SHISA6: variants seen among roughly 807,000 people sequenced by gnomAD.
SHISA6 encodes protein shisa-6.
Under a neutral mutation model 47.9 loss-of-function variants are expected in SHISA6, and 22 were observed. The observed-to-expected ratio is 0.46, with a 90% CI of 0.33 to 0.66. SHISA6 has a LOEUF of 0.66. SHISA6 is among the 30% of genes least tolerant of loss of function. The pLI, the probability that SHISA6 is intolerant of heterozygous loss-of-function variation, is 0.02. For missense variants in SHISA6, 680 were observed against 764.6 expected, an observed-to-expected ratio of 0.89 and a Z score of 1.30; for synonymous variants, 388 against 337.8, an observed-to-expected ratio of 1.15 and a Z score of -1.63.
chr17:11,485,895 C>A (rs531173991), intron 3 of SHISA6, among the ~76,000 whole-genome samples: 7 of 152,074 alleles, frequency 4.6e-5, no homozygotes, highest in Non-Finnish European at 8.8e-5. Context: ...TCCATCCCAG[C>A]GCTGTTGATT....
At chr17:11,458,252 G>A (rs1222357598) in intron 3 of SHISA6, among the ~76,000 whole-genome samples, 2 of 152,150 alleles carry the variant, frequency 1.3e-5, no homozygotes, top group African/African-American at 4.8e-5. Flanking sequence ...TCTGTAGGTG[G>A]TGAACATGTC....
chr17:11,334,230 G>T (rs113513430), intron 2 of SHISA6, among the ~76,000 whole-genome samples: 19 of 152,240 alleles, frequency 1.2e-4, no homozygotes, highest in African/African-American at 4.6e-4. Flanking sequence ...TAAGTGCTGA[G>T]GTTTGCCCTA....
chr17:11,516,383 A>T (rs951210627), intron 3 of SHISA6, among the ~76,000 whole-genome samples: 2 of 152,202 alleles, frequency 1.3e-5, no homozygotes, highest in African/African-American at 2.4e-5. Flanking sequence ...TCACCAGAGT[A>T]GGGGCCCTTG....
intron 2 of SHISA6, among the ~76,000 whole-genome samples, chr17:11,286,355 A>G (rs1199884869): frequency 6.6e-6 from 1 of 152,174 alleles, no homozygotes; most frequent in Non-Finnish European, 1.5e-5. Context: ...TCTCTGCCCT[A>G]GGAATTCCCA....
chr17:11,454,064 T>C (rs1915469932), intron 3 of SHISA6, among the ~76,000 whole-genome samples: 1 of 152,232 alleles, frequency 6.6e-6, no homozygotes, highest in Non-Finnish European at 1.5e-5. Context: ...AAATCAGTAA[T>C]CCGTGTTGGC....
chr17:11,279,927 G>T (rs549972482), intron 2 of SHISA6, among the ~76,000 whole-genome samples: 1 of 152,268 alleles, frequency 6.6e-6, no homozygotes, highest in Non-Finnish European at 1.5e-5. Flanking sequence ...AGATTTTCCT[G>T]TAAAAGAAGC....
intron 3 of SHISA6, among the ~76,000 whole-genome samples, chr17:11,459,871 G>C (rs750108351): frequency 1.3e-5 from 2 of 152,206 alleles, no homozygotes; most frequent in Non-Finnish European, 2.9e-5. Flanking sequence ...AGTCCCTGCA[G>C]TGGTTGCAGA....
chr17:11,252,728 C>T (rs114159967), intron 1 of SHISA6, among the ~76,000 whole-genome samples: 1,962 of 152,284 alleles, frequency 0.013, 31 homozygotes, highest in African/African-American at 0.045. Context: ...TGCTGTTGGA[C>T]GGCTTTGACT....
chr17:11,369,114 G>A (rs1471609429), intron 2 of SHISA6, among the ~76,000 whole-genome samples: 1 of 152,114 alleles, frequency 6.6e-6, no homozygotes, highest in Non-Finnish European at 1.5e-5. Context: ...TGCTTTTATC[G>A]CCTCTATGTT....
chr17:11,358,043 T>G (rs765234518), intron 2 of SHISA6, among the ~76,000 whole-genome samples: 5 of 152,224 alleles, frequency 3.3e-5, no homozygotes, highest in Non-Finnish European at 7.3e-5. Flanking sequence ...CGGTAAAATA[T>G]ACATAACATA....
Position 11,241,270 on chromosome 17 carries a change from A to T in SHISA6, c.-153A>T. 1 of 290,040 alleles carries T rather than the reference A, an allele frequency of 3.4e-6. No individual in the cohort carries two copies. Among genetic ancestry groups the T allele is most frequent in the Non-Finnish European group, 5.1e-6 (1 of 197,558 alleles). The allele number at this position is 290,040 out of a possible 1,614,324, so 18.0% of individuals were successfully genotyped here. On this transcript the variant is annotated 5_prime_UTR_variant, in exon 1 of 6. Coordinates refer to ENST00000441885, the MANE Select transcript of SHISA6 (RefSeq NM_207386.4). This position sits in a 1 kb window ranked among gnomAD's most constrained non-coding sequence, Gnocchi z 5.5. ...GTGCGCACCGCGCGCCGCCGCCGCC[A>T]CTGCCGCCCGCGCCTCGATGGCGCC... is the stretch of plus-strand genomic sequence containing the variant.
At position 11,445,210 on chromosome 17, in the gene SHISA6, C is replaced by A. The variant is rs146512833; in HGVS notation, c.895+65701C>A. 3.1e-3 allele frequency among the ~76,000 whole-genome samples: 473 copies of A among 152,194 alleles called. 5 individuals are homozygous for A. Among genetic ancestry groups the A allele is most frequent in the African/African-American group, 0.011 (447 of 41,530 alleles). On this transcript the variant is annotated intron_variant, in intron 3 of 5. Transcript: ENST00000441885. ...AAAGCAAGAGAGCTCTTTTCGGCTTCTTTTATGAGGGCCGTAATTCATTTA... is the reference window on the plus strand; with the variant it reads ...AAAGCAAGAGAGCTCTTTTCGGCTTATTTTATGAGGGCCGTAATTCATTTA...
intron 2 of SHISA6, among the ~76,000 whole-genome samples, chr17:11,348,201 T>C (rs1453622958): frequency 6.6e-6 from 1 of 152,128 alleles, no homozygotes; most frequent in Non-Finnish European, 1.5e-5. Context: ...GAAGGTCTGG[T>C]CAGGAGCTCA....
intron 2 of SHISA6, chr17:11,288,400 T>C (rs1025983792): frequency 6.6e-6 from 1 of 152,204 alleles, no homozygotes; most frequent in African/African-American, 2.4e-5. Flanking sequence ...ATATAGCATT[T>C]ATAATTGTAA....
chr17:11,466,742 A>G (rs1218271325), intron 3 of SHISA6, among the ~76,000 whole-genome samples: 1 of 152,172 alleles, frequency 6.6e-6, no homozygotes, highest in Non-Finnish European at 1.5e-5. Context: ...GCAGGAAACA[A>G]TTTTTAAATT....
intron 2 of SHISA6, among the ~76,000 whole-genome samples, chr17:11,281,059 CT>C (rs1388318565): frequency 6.6e-6 from 1 of 152,142 alleles, no homozygotes; most frequent in African/African-American, 2.4e-5. Context: ...GTTTTATTAG[CT>C]TTTTCATAGA....
rs147136931 is a variant in SHISA6 at position 11,408,130 on chromosome 17, G to A, written c.895+28621G>A. On this transcript the variant is annotated intron_variant, in intron 3 of 5. Transcript: ENST00000441885. ...AAGTTCTCTACATTGCTAAGGAGAAGTAGAGCAGACTGTACTTCTTCGAAA... is the reference window on the plus strand; with the variant it reads ...AAGTTCTCTACATTGCTAAGGAGAAATAGAGCAGACTGTACTTCTTCGAAA... Among the ~76,000 whole-genome samples, 114 of 152,304 alleles carry A rather than the reference G, an allele frequency of 7.5e-4. 1 individual carries two copies. In the Middle Eastern group the frequency reaches 0.014, roughly 18 times the overall value.
chr17:11,303,672 G>A (rs1054881237), intron 2 of SHISA6, among the ~76,000 whole-genome samples: 4 of 152,174 alleles, frequency 2.6e-5, no homozygotes, highest in African/African-American at 9.7e-5. Context: ...GAGGACAAGG[G>A]AGCCATCAGG....
chr17:11,481,206 G>A (rs914301195), intron 3 of SHISA6, among the ~76,000 whole-genome samples: 3 of 151,930 alleles, frequency 2.0e-5, no homozygotes, highest in African/African-American at 7.3e-5. Flanking sequence ...TTGAACCCGG[G>A]AGGCAGAGGT....
Sources: gnomAD v4.1 joint callset for allele counts (sites outside exome capture counted in the v4.1 genomes callset) on GRCh38, gnomAD v4.1.1 for gene constraint, Gnocchi (gnomAD v3.1) non-coding constraint, MANE v1.5 for transcripts, NCBI Gene and HGNC (gene_info 2026-07-23, HGNC 2026-07-21) for gene names.